The following TRIM26 variants were observed in gnomAD, a reference collection of about 807,000 sequenced individuals.
TRIM26 encodes the protein tripartite motif containing 26.
A neutral mutation model predicts 45.5 loss-of-function variants in TRIM26; 16 were observed. The observed-to-expected ratio is 0.35, with a 90% CI of 0.24 to 0.53. TRIM26 has a LOEUF of 0.53. Ranked by LOEUF, TRIM26 falls within the 20% of genes least tolerant of loss-of-function variation. The pLI, the probability that TRIM26 is intolerant of heterozygous loss-of-function variation, is 0.92. For missense variants in TRIM26, 442 were observed against 691.1 expected (o/e 0.64, Z 4.04); for synonymous variants, 273 against 290.4 (o/e 0.94, Z 0.61).
At chr6:30,204,022 A>C (rs987330342) in intron 2 of TRIM26, among the ~76,000 whole-genome samples, 2 of 152,226 alleles carry the variant, frequency 1.3e-5, no homozygotes, top group Non-Finnish European at 2.9e-5. Context: ...ATACACATTT[A>C]CTGAACAAGT....
At chr6:30,191,046 G>A (rs1042775638) in intron 6 of TRIM26, among the ~76,000 whole-genome samples, 1 of 152,160 alleles carries the variant, frequency 6.6e-6, no homozygotes, top group Non-Finnish European at 1.5e-5. Flanking sequence ...CCGTGGACCA[G>A]GGGAGAGCTA....
intron 1 of TRIM26, among the ~76,000 whole-genome samples, chr6:30,210,953 A>C (rs1480339372): frequency 2.6e-5 from 4 of 152,170 alleles, no homozygotes; most frequent in African/African-American, 9.7e-5. Flanking sequence ...ACCACGGAAA[A>C]CTAAGCTATG....
chr6:30,189,876 A>C lies in TRIM26; in HGVS notation c.788+137T>G. The C allele has an allele frequency of 9.9e-7, 1 of 1,006,862 alleles. No individual in the cohort carries two copies. The highest frequency in any genetic ancestry group is 1.5e-6 in the Non-Finnish European group (1 of 651,836). 62.4% of individuals were successfully genotyped at this position (1,006,862 alleles called of 1,614,324 possible). A position where few individuals can be genotyped will look rare whatever the true frequency, so the allele number is the denominator to read the frequency against. On this transcript the variant is annotated intron_variant, in intron 7 of 9. Transcript: ENST00000454678. The surrounding 1 kb of genome is among the most constrained non-coding windows in gnomAD (Gnocchi z 5.0). ...TCAATGATGTGTCCTGCTCCTCAGA[A>C]GGGCATCAGGATGAACCATGGGATG...
Position 30,199,172 on chromosome 6 carries a change from A to G in TRIM26, c.-69T>C. ...TCTTCTCCTTGGAGACGCGACATAG[A>G]GTCAGGAGCAAGCACAGTAAAGGGG... On this transcript the variant is annotated 5_prime_UTR_variant, in exon 4 of 10. Transcript: ENST00000454678. 2 of 1,474,270 alleles carry G rather than the reference A, an allele frequency of 1.4e-6. No individual in the cohort carries two copies. Among genetic ancestry groups the G allele is most frequent in the East Asian group, 2.3e-5 (1 of 42,794 alleles). 91.3% of individuals were successfully genotyped at this position (1,474,270 alleles called of 1,614,324 possible). A position where few individuals can be genotyped will look rare whatever the true frequency, so the allele number is the denominator to read the frequency against.
intron 1 of TRIM26, among the ~76,000 whole-genome samples, chr6:30,206,696 T>C (rs1054278252): frequency 6.6e-6 from 1 of 152,250 alleles, no homozygotes; most frequent in African/African-American, 2.4e-5. Context: ...ATCAGATTTG[T>C]AGTCTTCAAA....
At chr6:30,211,233 C>T (rs1562241850) in intron 1 of TRIM26, among the ~76,000 whole-genome samples, 1 of 152,170 alleles carries the variant, frequency 6.6e-6, no homozygotes, top group Non-Finnish European at 1.5e-5. Flanking sequence ...TTCTTGCCCA[C>T]ACACATTACC....
intron 1 of TRIM26, among the ~76,000 whole-genome samples, chr6:30,206,950 C>T (rs1274551699): frequency 6.6e-6 from 1 of 152,236 alleles, no homozygotes; most frequent in South Asian, 2.1e-4. Context: ...GGTGCACCTC[C>T]CAGCTCTGGG....
intron 2 of TRIM26, among the ~76,000 whole-genome samples, chr6:30,203,896 T>C (rs1321669412): frequency 2.0e-5 from 3 of 152,064 alleles, no homozygotes; most frequent in African/African-American, 7.3e-5. Context: ...AGAAAAGTTT[T>C]CTGGGGAGGG....
At chr6:30,192,863 G>C (rs113591057) in intron 6 of TRIM26, among the ~76,000 whole-genome samples, 2 of 151,918 alleles carry the variant, frequency 1.3e-5, no homozygotes, top group East Asian at 1.9e-4. Flanking sequence ...ATTTTTCTGC[G>C]TATGGTTGGT....
In TRIM26 at chr6:30,198,903, G is replaced by T; in HGVS notation, c.201C>A (p.Pro67=). 6.2e-7 allele frequency: 1 copy of T among 1,612,854 alleles called. No homozygotes were observed. The highest frequency in any genetic ancestry group is 1.3e-5 in the African/African-American group (1 of 75,020). Residue 67 remains proline (P), a synonymous_variant, in exon 4 of 10, where the codon CCC becomes CCA. Coordinates refer to ENST00000454678, the MANE Select transcript of TRIM26 (RefSeq NM_003449.5). The surrounding 1 kb of genome is among the most constrained non-coding windows in gnomAD (Gnocchi z 6.3). ...KKPFKKENIR[P]VWQLASLVEN... ...CCACCAGGCTGGCCAGTTGCCACAC[G>T]GGTCGGATGTTCTCCTTCTTAAAAG...
In TRIM26 at chr6:30,190,714, C is replaced by A. The variant is rs1370017209; in HGVS notation, c.766-679G>T. ...AAAAAAAGAAAATTGCTTTCTACTTCCTTTTTACCCCAACTGAATTTTGGA... is the reference window on the plus strand; with the variant it reads ...AAAAAAAGAAAATTGCTTTCTACTTACTTTTTACCCCAACTGAATTTTGGA... On this transcript the variant is annotated intron_variant, in intron 6 of 9. Transcript: ENST00000454678. This position sits in a 1 kb window ranked among gnomAD's most constrained non-coding sequence, Gnocchi z 4.3. Among the ~76,000 whole-genome samples the A allele has an allele frequency of 6.6e-6, 1 of 152,188 alleles. No homozygotes were observed. Among genetic ancestry groups the A allele is most frequent in the African/African-American group, 2.4e-5 (1 of 41,450 alleles).
At chr6:30,188,772 G>C (rs775441596) in intron 9 of TRIM26, among the ~76,000 whole-genome samples, 2 of 152,122 alleles carry the variant, frequency 1.3e-5, no homozygotes. Flanking sequence ...CTGCAGGGCT[G>C]AGAGGGGGCA....
Position 30,189,388 on chromosome 6 carries a change from C to G in TRIM26, c.904+30G>C. The G allele has an allele frequency of 6.2e-7, 1 of 1,608,848 alleles. No individual in the cohort carries two copies. Among genetic ancestry groups the G allele is most frequent in the Non-Finnish European group, 8.5e-7 (1 of 1,176,216 alleles). On this transcript the variant is annotated intron_variant, in intron 8 of 9. Transcript: ENST00000454678. The surrounding 1 kb of genome is among the most constrained non-coding windows in gnomAD (Gnocchi z 5.0). ...TCTACGAGGTAGCCCTGCTCTGACT[C>G]CCACCCTTTGTGCGCTCCCCAACCC...
At chr6:30,200,026 T>A (rs1433925282) in intron 3 of TRIM26, among the ~76,000 whole-genome samples, 2 of 152,076 alleles carry the variant, frequency 1.3e-5, no homozygotes, top group African/African-American at 4.8e-5. Flanking sequence ...AATCCAACAC[T>A]TTGGGTGGCT....
rs915657601 is a variant in TRIM26, at chr6:30,198,136, C to A, written c.534+293G>T. ...TCTTCAGTCCCCTGGCAGAAGAGAA[C>A]CAGCAGCTGGACATGGGCCCTGCCT... On this transcript the variant is annotated intron_variant, in intron 5 of 9. Coordinates refer to ENST00000454678, the MANE Select transcript of TRIM26 (RefSeq NM_003449.5). The surrounding 1 kb of genome is among the most constrained non-coding windows in gnomAD (Gnocchi z 6.3). 1.7e-4 allele frequency among the ~76,000 whole-genome samples: 26 copies of A among 152,240 alleles called. No individual in the cohort carries two copies. The highest frequency in any genetic ancestry group is 3.7e-4 in the Non-Finnish European group (25 of 68,050).
rs1361126673 is a variant in TRIM26, at chr6:30,201,051, C to CTTACCATGGAAGGCAA, written c.-179_-178insTTGCCTTCCATGGTAA. On this transcript the variant is annotated 5_prime_UTR_variant, in exon 3 of 10. It adds an upstream start codon to the 5' untranslated region. Transcript: ENST00000454678. ...GGGCAGTACCTGGAGGACTTGCTCT[C>CTTACCATGGAAGGCAA]CTATAGATCCATGGAAGGCAACTAC... 1.3e-5 allele frequency: 2 copies of CTTACCATGGAAGGCAA among 152,248 alleles called. No homozygotes were observed. The highest frequency in any genetic ancestry group is 2.9e-5 in the Non-Finnish European group (2 of 68,078). The allele number at this position is 152,248 out of a possible 1,614,324, so 9.4% of individuals were successfully genotyped here. A position where few individuals can be genotyped will look rare whatever the true frequency, so the allele number is the denominator to read the frequency against.
In TRIM26 at chr6:30,203,798, C is replaced by CTTTCTTT. The variant is rs1554206730; in HGVS notation, c.-266+857_-266+858insAAAGAAA. On this transcript the variant is annotated intron_variant, in intron 2 of 9. Transcript: ENST00000454678. Reference sequence around the variant, plus strand: ...CCACCTAATTTGAAATGGTTCCTTTCTTTTTTTTTTTTTTGAGACAGGGTC... The same window carrying CTTTCTTT: ...CCACCTAATTTGAAATGGTTCCTTTCTTTCTTTTTTTTTTTTTTTTTGAGACAGGGTC... 4.4e-3 allele frequency among the ~76,000 whole-genome samples: 632 copies of CTTTCTTT among 144,488 alleles called. 1 individual carries two copies. The highest frequency in any genetic ancestry group is 0.011 in the African/African-American group (443 of 38,998). The allele number at this position is 144,488 out of a possible 152,430, so 94.8% of individuals were successfully genotyped here.
chr6:30,194,438 A>G (rs753678358), intron 6 of TRIM26, among the ~76,000 whole-genome samples: 2 of 152,252 alleles, frequency 1.3e-5, no homozygotes, highest in Non-Finnish European at 2.9e-5. Flanking sequence ...AATTTACTAT[A>G]CATTTTCAAA....
At chr6:30,205,067 C>T (rs577902017) in intron 1 of TRIM26, among the ~76,000 whole-genome samples, 87 of 152,090 alleles carry the variant, frequency 5.7e-4, no homozygotes, top group African/African-American at 2.0e-3. Flanking sequence ...CAAGGAGAAA[C>T]CCCATCTCTA....
Sources: gnomAD v4.1 joint callset for allele counts (sites outside exome capture counted in the v4.1 genomes callset) on GRCh38, gnomAD v4.1.1 for gene constraint, Gnocchi (gnomAD v3.1) non-coding constraint, MANE v1.5 for transcripts, NCBI Gene and HGNC (gene_info 2026-07-23, HGNC 2026-07-21) for gene names.